MYH8: variants seen among roughly 807,000 people sequenced by gnomAD.
The protein encoded by MYH8 is myosin heavy chain 8.
A neutral mutation model predicts 233.2 loss-of-function variants in MYH8; 168 were observed. The ratio of observed to expected loss-of-function variants is 0.72; its 90% CI spans 0.64 to 0.82. The LOEUF (loss-of-function observed/expected upper bound fraction) is 0.82. Ranked by LOEUF, MYH8 falls within the 40% of genes least tolerant of loss-of-function variation. The pLI, the probability that MYH8 is intolerant of heterozygous loss-of-function variation, is 0.00. For missense variants in MYH8, 1,995 were observed against 2,327.8 expected (o/e 0.86, Z 2.94); for synonymous variants, 785 against 850.6 (o/e 0.92, Z 1.34).
chr17:10,411,347 G>C lies in MYH8; in HGVS notation c.1417-400C>G, dbSNP rs9908351. Among the ~76,000 whole-genome samples the C allele has an allele frequency of 5.6e-3, 839 of 150,774 alleles. 8 individuals are homozygous for C. Among genetic ancestry groups the C allele is most frequent in the African/African-American group, 0.02 (804 of 41,098 alleles). On this transcript the variant is annotated intron_variant, in intron 14 of 39. Transcript: ENST00000403437. ...GCTGAGATCGCGCCACTGCACACCA[G>C]CCTGGGTGGCTGGGCGAGACCCTGT...
At position 10,415,298 on chromosome 17, in the gene MYH8, AGAG is replaced by A; in HGVS notation, c.732_734del (p.Ser245del). On this transcript the variant is annotated inframe_deletion, in exon 8 of 40. Coordinates refer to ENST00000403437, the MANE Select transcript of MYH8 (RefSeq NM_002472.3). The surrounding 1 kb of genome is among the most constrained non-coding windows in gnomAD (Gnocchi z 4.1). ...TTGAGACCAAGAGACTCACAAAGCG[AGAG>A]GAGTTGTCATTCCTCACAGTTTTGG... The A allele has an allele frequency of 1.2e-6, 2 of 1,613,360 alleles. No individual in the cohort carries two copies. Among genetic ancestry groups the A allele is most frequent in the Non-Finnish European group, 1.7e-6 (2 of 1,179,222 alleles).
At chr17:10,402,765 C>G (rs962692043) in intron 22 of MYH8, among the ~76,000 whole-genome samples, 6 of 152,134 alleles carry the variant, frequency 3.9e-5, no homozygotes, top group Admixed American at 3.3e-4. Flanking sequence ...AAATATTAAT[C>G]ACTGATACAA....
intron 17 of MYH8, among the ~76,000 whole-genome samples, chr17:10,407,811 C>T (rs1006413613): frequency 2.6e-5 from 4 of 151,448 alleles, no homozygotes; most frequent in Admixed American, 6.6e-5. Context: ...TGCACTACAG[C>T]CTGGGTGACA....
chr17:10,390,433 G>A lies in MYH8; in HGVS notation c.*21C>T. The A allele has an allele frequency of 2.5e-6, 4 of 1,612,766 alleles. No individual in the cohort carries two copies. Among genetic ancestry groups the A allele is most frequent in the Non-Finnish European group, 3.4e-6 (4 of 1,180,002 alleles). ...ATTTTGTGCCTTTCTTCAGCCTCTT[G>A]ATAGCATCAGGCAGGTGTGTTTACT... On this transcript the variant is annotated 3_prime_UTR_variant, in exon 40 of 40. Coordinates refer to ENST00000403437, the MANE Select transcript of MYH8 (RefSeq NM_002472.3).
intron 2 of MYH8, 140 bp from the exon 3 acceptor site, chr17:10,420,397 A>G: frequency 1.3e-6 from 1 of 772,744 alleles, no homozygotes; most frequent in South Asian, 1.6e-5. Context: ...GTGTTCTAAC[A>G]TAGTCTAAAG....
At position 10,394,158 on chromosome 17, in the gene MYH8, C is replaced by G. The variant is rs112619694; in HGVS notation, c.5166+91G>C. ...CATATCCCCCATCCATGTTTACATA[C>G]ACATATTTATACAAATTGAGTACTT... On this transcript the variant is annotated intron_variant, in intron 35 of 39. Transcript: ENST00000403437. 56 of 1,514,424 alleles carry G rather than the reference C, an allele frequency of 3.7e-5. No individual in the cohort carries two copies. The African/African-American group carries it at 6.7e-4, about 18-fold the overall frequency. 93.8% of individuals were successfully genotyped at this position (1,514,424 alleles called of 1,614,324 possible). A position where few individuals can be genotyped will look rare whatever the true frequency, so the allele number is the denominator to read the frequency against.
At chr17:10,421,904 C>T (rs933393418) in intron 1 of MYH8, 26 bp downstream of exon 1, 7 of 151,844 alleles carry the variant, frequency 4.6e-5, no homozygotes, top group Non-Finnish European at 8.8e-5. Flanking sequence ...TGGGGTTTTT[C>T]GAGTTCCAAG....
rs757364984 is a variant in MYH8 at position 10,415,149 on chromosome 17, T to G, written c.772A>C (p.Thr258Pro). ...GKFIRIHFGT[T>P]GKLASADIET... ...ATATCAGCAGATGCCAGCTTCCCTG[T>G]AGTACCAAAGTGGATTCTAATGAAT... is the stretch of plus-strand genomic sequence containing the variant. Residue 258 changes from threonine to proline, a missense_variant, in exon 9 of 40, where the codon ACA becomes CCA. Around this residue, in one of 3 missense-constraint regions of MYH8, gnomAD observed 479 missense variants for 600.9 expected, o/e 0.80. Coordinates refer to ENST00000403437, the MANE Select transcript of MYH8 (RefSeq NM_002472.3). This position sits in a 1 kb window ranked among gnomAD's most constrained non-coding sequence, Gnocchi z 4.1. The G allele has an allele frequency of 6.2e-7, 1 of 1,613,592 alleles. No individual in the cohort carries two copies. Among genetic ancestry groups the G allele is most frequent in the South Asian group, 1.1e-5 (1 of 91,076 alleles).
At chr17:10,408,221 G>A (rs1472445305) in intron 17 of MYH8, among the ~76,000 whole-genome samples, 3 of 152,134 alleles carry the variant, frequency 2.0e-5, no homozygotes, top group African/African-American at 4.8e-5. Flanking sequence ...TTACAGGTGT[G>A]AGCCACTGCG....
chr17:10,392,111 G>A (rs989036607), intron 38 of MYH8, 134 bp from the exon 39 acceptor site: 48 of 766,392 alleles, frequency 6.3e-5, no homozygotes, highest in Non-Finnish European at 9.3e-5. Context: ...TTTCTTCATA[G>A]AATTAACAGT....
chr17:10,416,418 T>C (rs375575608), intron 5 of MYH8, among the ~76,000 whole-genome samples: 21 of 152,300 alleles, frequency 1.4e-4, no homozygotes, highest in African/African-American at 4.8e-4. Flanking sequence ...TTAACATAGT[T>C]GTACAAATGT....
rs754230696 is a variant in MYH8 at position 10,400,519 on chromosome 17, A to G, written c.3606T>C (p.Ser1202=). 5 of 1,614,136 alleles carry G rather than the reference A, an allele frequency of 3.1e-6. No homozygotes were observed. In the East Asian group the frequency reaches 6.7e-5, roughly 22 times the overall value. ...CAATCTGCTCCCCAAGCTCAGCCAT[A>G]CTGTCTGCGTGCTTCTTCCGAAGAG... ...VAALRKKHAD[S]MAELGEQIDN... is the part of the protein sequence containing the mutation. Residue 1202 remains serine, a synonymous_variant, in exon 27 of 40, where the codon AGT becomes AGC. Transcript: ENST00000403437. This position sits in a 1 kb window ranked among gnomAD's most constrained non-coding sequence, Gnocchi z 4.0.
Position 10,398,516 on chromosome 17 carries a change from C to T in MYH8, c.4106G>A (p.Ser1369Asn). The change falls in exon 30 of 40, where the codon AGT becomes AAT. Residue 1369 changes from serine to asparagine, a missense_variant. Physicochemically the swap from Ser to Asn is conservative, Grantham distance 46 (BLOSUM62 1). This residue lies in a region of MYH8 where 1,498 missense variants were observed against 1,680.9 expected (regional missense o/e 0.89). Coordinates refer to ENST00000403437, the MANE Select transcript of MYH8 (RefSeq NM_002472.3). ...TTTGGTTCTCCACTGGGCAACCTCA[C>T]TGTTGGCCTTGGACAGCGCCCTCTG... ...ELQRALSKANSEVAQWRTKYE... is the reference protein window; with the variant it reads ...ELQRALSKANNEVAQWRTKYE... 1 of 1,614,140 alleles carries T rather than the reference C, an allele frequency of 6.2e-7. No individual in the cohort carries two copies. The highest frequency in any genetic ancestry group is 8.5e-7 in the Non-Finnish European group (1 of 1,179,996).
chr17:10,403,518 C>G (rs1400218460), intron 22 of MYH8, among the ~76,000 whole-genome samples: 1 of 151,882 alleles, frequency 6.6e-6, no homozygotes, highest in African/African-American at 2.4e-5. Context: ...TAGTGATACA[C>G]TCAATACATA....
Position 10,396,524 on chromosome 17 carries a change from A to G in MYH8, c.4528+29T>C, listed in dbSNP as rs938705649. 6.2e-6 allele frequency: 10 copies of G among 1,613,796 alleles called. No homozygotes were observed. Among genetic ancestry groups the G allele is most frequent in the African/African-American group, 1.3e-5 (1 of 74,940 alleles). On this transcript the variant is annotated intron_variant, in intron 32 of 39. Coordinates refer to ENST00000403437, the MANE Select transcript of MYH8 (RefSeq NM_002472.3). The surrounding 1 kb of genome is among the most constrained non-coding windows in gnomAD (Gnocchi z 4.2). Reference sequence around the variant, plus strand: ...CATGGAAAGGTCCTCCCAGGGATATATGGAGTAGGGAGGACTGTGAGGACT... The same window carrying G: ...CATGGAAAGGTCCTCCCAGGGATATGTGGAGTAGGGAGGACTGTGAGGACT...
Position 10,412,478 on chromosome 17 carries a change from C to A in MYH8, c.1308G>T (p.Glu436Asp). The part of the protein sequence containing the change: ...AVGALAKAVY[E>D]KMFLWMVTRI... ...GGGTGACCATCCACAGGAACATCTT[C>A]TCGTAGACGGCTTTGGCCAGAGCAC... Residue 436 changes from glutamate (E) to aspartate (D), a missense_variant, in exon 14 of 40, where the codon GAG (glutamate) becomes GAT (aspartate). This residue lies in a region of MYH8 where 479 missense variants were observed against 600.9 expected (regional missense o/e 0.80). Coordinates refer to ENST00000403437, the MANE Select transcript of MYH8 (RefSeq NM_002472.3). 6.2e-7 allele frequency: 1 copy of A among 1,614,248 alleles called. No individual in the cohort carries two copies. Among genetic ancestry groups the A allele is most frequent in the South Asian group, 1.1e-5 (1 of 91,086 alleles).
chr17:10,392,409 A>T, intron 38 of MYH8, 133 bp downstream of exon 38: 1 of 852,488 alleles, frequency 1.2e-6, no homozygotes. Context: ...GTGATAAGCA[A>T]CTGTCTTTAC....
chr17:10,401,816 T>G, intron 22 of MYH8, 31 bp from the exon 23 acceptor site: 1 of 1,613,944 alleles, frequency 6.2e-7, no homozygotes, highest in Non-Finnish European at 8.5e-7. Flanking sequence ...ATACTTAGAG[T>G]CTGTTACTTA....
Position 10,419,924 on chromosome 17 carries a change from A to G in MYH8, c.210+94T>C, listed in dbSNP as rs561738689. 8.8e-4 allele frequency: 1,206 copies of G among 1,366,198 alleles called. 6 individuals are homozygous for G. Among genetic ancestry groups the G allele is most frequent in the South Asian group, 2.0e-3 (167 of 85,566 alleles). 84.6% of individuals were successfully genotyped at this position (1,366,198 alleles called of 1,614,324 possible). ...CAACACTGACTAGAAGGGTGTTTGC[A>G]TTGGCAACAGGCTTGGAGATTCCCA... is the stretch of plus-strand genomic sequence containing the variant. On this transcript the variant is annotated intron_variant, in intron 3 of 39. Transcript: ENST00000403437. This position sits in a 1 kb window ranked among gnomAD's most constrained non-coding sequence, Gnocchi z 4.0.
Sources: gnomAD v4.1 joint callset for allele counts (sites outside exome capture counted in the v4.1 genomes callset) on GRCh38, gnomAD v4.1.1 for gene constraint, gnomAD v4.1.1 regional missense constraint, Gnocchi (gnomAD v3.1) non-coding constraint, MANE v1.5 for transcripts, NCBI Gene and HGNC (gene_info 2026-07-23, HGNC 2026-07-21) for gene names.